The following TICRR variants were observed in gnomAD, a reference collection of about 807,000 sequenced individuals.
TICRR encodes the protein TOPBP1 interacting checkpoint and replication regulator, also known as treslin.
Under a neutral mutation model 178.1 loss-of-function variants are expected in TICRR, and 132 were observed. The observed-to-expected ratio is 0.74, with a 90% confidence interval of 0.64 to 0.86. The LOEUF (loss-of-function observed/expected upper bound fraction) is 0.86, where lower values mean the gene tolerates loss of function less well. Among genes scored for constraint, TICRR ranks in the 40% least tolerant of loss-of-function variants. The probability of loss-of-function intolerance (pLI) is 0.00; values close to 1 mark genes in which losing one functional copy is unlikely to be tolerated. For missense variants in TICRR, 2,587 were observed against 2,334.3 expected, an observed-to-expected ratio of 1.11 and a Z score of -2.23; for synonymous variants, 991 against 900.7, an observed-to-expected ratio of 1.10 and a Z score of -1.79.
chr15:89,623,997 A>C lies in TICRR; in HGVS notation c.3687A>C (p.Pro1229=), dbSNP rs1438339906. ...AAAGCCCCTCCTGTCCAGCCCCTCC[A>C]ACTTCATCGACTGCCCAGCCCAGGA... The part of the protein sequence containing the change: ...SPESPSCPAP[P]TSSTAQPRRE... Residue 1229 remains proline (P), a synonymous_variant, in exon 20 of 22, where the codon CCA becomes CCC. Coordinates refer to ENST00000268138, the MANE Select transcript of TICRR (RefSeq NM_152259.4). The C allele has an allele frequency of 1.2e-6, 2 of 1,613,858 alleles. No individual in the cohort carries two copies. Among genetic ancestry groups the C allele is most frequent in the Admixed American group, 3.3e-5 (2 of 60,012 alleles).
At chr15:89,578,593 A>T (rs1962666070) in intron 1 of TICRR, among the ~76,000 whole-genome samples, 1 of 152,134 alleles carries the variant, frequency 6.6e-6, no homozygotes, top group Non-Finnish European at 1.5e-5. Flanking sequence ...GAAATAAGTT[A>T]GATGGGGCTT....
intron 19 of TICRR, among the ~76,000 whole-genome samples, chr15:89,621,786 C>T (rs1306873948): frequency 1.3e-5 from 2 of 152,134 alleles, no homozygotes; most frequent in East Asian, 3.9e-4. Context: ...AGGATCTCAT[C>T]TGTTCTCTTG....
chr15:89,582,949 A>G lies in TICRR; in HGVS notation c.918A>G (p.Leu306=), dbSNP rs139493471. The part of the protein sequence containing the change: ...EASFPRMEGM[L]FLPVEAGKEI... ...CGTTTCCACGAATGGAAGGAATGTT[A>G]TTTCTCCCTGTTGAAGGTAAGCAAA... The change falls in exon 2 of 22, where the codon TTA becomes TTG. Residue 306 remains leucine, a synonymous_variant. Coordinates refer to ENST00000268138, the MANE Select transcript of TICRR (RefSeq NM_152259.4). 140 of 1,610,466 alleles carry G rather than the reference A, an allele frequency of 8.7e-5. No individual in the cohort carries two copies. The Middle Eastern group carries it at 9.9e-4, about 11-fold the overall frequency.
chr15:89,575,597 G>A lies in TICRR; in HGVS notation c.11G>A (p.Cys4Tyr), dbSNP rs1962594878. The change falls in exon 1 of 22, where the codon TGT becomes TAT. Residue 4 changes from cysteine (C) to tyrosine (Y), a missense_variant. Cys to Tyr is a radical substitution (Grantham distance 194). Coordinates refer to ENST00000268138, the MANE Select transcript of TICRR (RefSeq NM_152259.4). MAC[C>Y]HKVMLLLDTA... ...GGCGGCACGGCCGATATGGCATGCT[G>A]TCACAAAGTAATGCTGCTGCTGGAC... The A allele has an allele frequency of 1.3e-6, 2 of 1,504,964 alleles. No homozygotes were observed. Among genetic ancestry groups the A allele is most frequent in the Non-Finnish European group, 1.8e-6 (2 of 1,133,306 alleles). The allele number at this position is 1,504,964 out of a possible 1,614,324, so 93.2% of individuals were successfully genotyped here.
At chr15:89,613,734 C>CTTTT (rs34162195) in intron 15 of TICRR, among the ~76,000 whole-genome samples, 3 of 61,570 alleles carry the variant, frequency 4.9e-5, no homozygotes, top group African/African-American at 1.5e-4. Context: ...TTTCTATTCG[C>CTTTT]TTTTTTTTTT....
chr15:89,613,868 G>A (rs971098173), intron 15 of TICRR, among the ~76,000 whole-genome samples: 2 of 148,322 alleles, frequency 1.3e-5, no homozygotes, highest in Non-Finnish European at 3.0e-5. Flanking sequence ...TTAAAGTCTT[G>A]TTCTAGCCGG....
chr15:89,627,179 C>T lies in TICRR; in HGVS notation c.*93C>T, dbSNP rs1310603110. On this transcript the variant is annotated 3_prime_UTR_variant, in exon 22 of 22. Coordinates refer to ENST00000268138, the MANE Select transcript of TICRR (RefSeq NM_152259.4). Reference sequence around the variant, plus strand: ...ATGCCTGGTCCCAAGCCTCTTTTGCCATGGTCAGTGTTCAGATTGCCATTA... The same window carrying T: ...ATGCCTGGTCCCAAGCCTCTTTTGCTATGGTCAGTGTTCAGATTGCCATTA... 4 of 1,507,322 alleles carry T rather than the reference C, an allele frequency of 2.7e-6. No individual in the cohort carries two copies. Among genetic ancestry groups the T allele is most frequent in the South Asian group, 1.2e-5 (1 of 85,666 alleles). The allele number at this position is 1,507,322 out of a possible 1,614,324, so 93.4% of individuals were successfully genotyped here.
chr15:89,582,949 A>T lies in TICRR; in HGVS notation c.918A>T (p.Leu306Phe). ...CGTTTCCACGAATGGAAGGAATGTT[A>T]TTTCTCCCTGTTGAAGGTAAGCAAA... ...EASFPRMEGM[L>F]FLPVEAGKEI... Residue 306 changes from leucine (L) to phenylalanine (F), a missense_variant, in exon 2 of 22, where the codon TTA becomes TTT. Transcript: ENST00000268138. 6.2e-7 allele frequency: 1 copy of T among 1,610,466 alleles called. No individual in the cohort carries two copies.
chr15:89,583,164 C>T (rs1246275663), intron 2 of TICRR, among the ~76,000 whole-genome samples, 199 bp downstream of exon 2: 3 of 151,868 alleles, frequency 2.0e-5, no homozygotes, highest in Non-Finnish European at 1.5e-5. Context: ...GTACAACTGC[C>T]AGCCTTTGTA....
Position 89,625,981 on chromosome 15 carries a change from C to T in TICRR, c.5522C>T (p.Ala1841Val). 6.2e-7 allele frequency: 1 copy of T among 1,605,376 alleles called. No homozygotes were observed. The highest frequency in any genetic ancestry group is 8.5e-7 in the Non-Finnish European group (1 of 1,176,276). Reference sequence around the variant, plus strand: ...TGTGCCGTGCGGAGCTGCCTCTCTGCCAGTGCCCTCCAGGCTCTGACCCAG... The same window carrying T: ...TGTGCCGTGCGGAGCTGCCTCTCTGTCAGTGCCCTCCAGGCTCTGACCCAG... Reference protein sequence around the residue: ...PSCAVRSCLSASALQALTQSP... With the variant: ...PSCAVRSCLSVSALQALTQSP... The change falls in exon 21 of 22, where the codon GCC becomes GTC. Residue 1841 changes from alanine to valine, a missense_variant. Transcript: ENST00000268138.
intron 5 of TICRR, among the ~76,000 whole-genome samples, chr15:89,594,152 T>C (rs1567043029): frequency 6.6e-6 from 1 of 152,240 alleles, no homozygotes; most frequent in African/African-American, 2.4e-5. Context: ...TCCTAATTCA[T>C]GAAGAATCCT....
At position 89,576,160 on chromosome 15, in the gene TICRR, T is replaced by G. The variant is rs1163560949; in HGVS notation, c.574T>G (p.Leu192Val). Residue 192 changes from leucine (L) to valine (V), a missense_variant, in exon 1 of 22, where the codon TTG becomes GTG. Leu to Val is a conservative substitution (Grantham distance 32). Transcript: ENST00000268138. ...PPTPKQVMEK[L>V]LPKRVREVMV... The stretch of plus-strand genomic sequence containing the variant: ...CACCCCTAAGCAGGTGATGGAGAAG[T>G]TGTTGCCCAAGAGAGTCCGGGAAGT... 1.9e-6 allele frequency: 3 copies of G among 1,605,242 alleles called. No individual in the cohort carries two copies. Among genetic ancestry groups the G allele is most frequent in the Non-Finnish European group, 2.5e-6 (3 of 1,179,922 alleles).
In TICRR at chr15:89,602,058, C is replaced by T. The variant is rs1963107974; in HGVS notation, c.2567+82C>T. The T allele has an allele frequency of 1.6e-5, 24 of 1,528,276 alleles. No individual in the cohort carries two copies. In the South Asian group the frequency reaches 2.7e-4, roughly 17 times the overall value. The allele number at this position is 1,528,276 out of a possible 1,614,324, so 94.7% of individuals were successfully genotyped here. ...TGTGTTTAAACTACAGTCCAGTCAT[C>T]TTTGTCCATATAATTTGTTGAACTA... On this transcript the variant is annotated intron_variant, in intron 12 of 21. Transcript: ENST00000268138.
chr15:89,606,683 GT>G (rs1236029287), intron 13 of TICRR, 84 bp from the exon 14 acceptor site: 8 of 1,081,784 alleles, frequency 7.4e-6, no homozygotes, highest in Non-Finnish European at 1.1e-5. Context: ...AATTACAAGA[GT>G]CAAAGAGTTC....
Position 89,627,315 on chromosome 15 carries a change from A to ATAAC in TICRR, c.*231_*234dup. ...GGTGGATGGCAATGTGATTGGTGCTATAACTCAGGCAGCCTGGGAGTCAGG... is the reference window on the plus strand; with the variant it reads ...GGTGGATGGCAATGTGATTGGTGCTATAACTAACTCAGGCAGCCTGGGAGTCAGG... On this transcript the variant is annotated 3_prime_UTR_variant, in exon 22 of 22. Transcript: ENST00000268138. 1.9e-6 allele frequency: 1 copy of ATAAC among 522,424 alleles called. No homozygotes were observed. The highest frequency in any genetic ancestry group is 3.1e-5 in the South Asian group (1 of 31,928). 32.4% of individuals were successfully genotyped at this position (522,424 alleles called of 1,614,324 possible).
Position 89,608,945 on chromosome 15 carries a change from C to G in TICRR, c.2865C>G (p.Asn955Lys), listed in dbSNP as rs1304039289. ...ATAAACTTGACAACTTCAAGAAGAA[C>G]AAAGGTACCACATTTCAGAATAGCT... is the stretch of plus-strand genomic sequence containing the variant. ...LEDKLDNFKK[N>K]KGYHKLLTKS... Residue 955 changes from asparagine to lysine, a missense_variant, in exon 15 of 22, where the codon AAC becomes AAG. Asn to Lys is a moderately conservative substitution (Grantham distance 94, BLOSUM62 0). Transcript: ENST00000268138. The G allele has an allele frequency of 7.5e-6, 12 of 1,592,040 alleles. No homozygotes were observed. The highest frequency in any genetic ancestry group is 1.0e-5 in the Non-Finnish European group (12 of 1,173,338).
intron 5 of TICRR, among the ~76,000 whole-genome samples, chr15:89,592,479 C>G (rs1049639140): frequency 6.6e-6 from 1 of 151,898 alleles, no homozygotes; most frequent in Non-Finnish European, 1.5e-5. Context: ...AGTATCAATG[C>G]AAATAGAAAA....
chr15:89,610,988 T>C (rs1031665661), intron 15 of TICRR, among the ~76,000 whole-genome samples: 1 of 152,178 alleles, frequency 6.6e-6, no homozygotes, highest in Admixed American at 6.5e-5. Flanking sequence ...CTTCTTTATA[T>C]TGTTGTAGAC....
rs1460224116 is a variant in TICRR at position 89,600,664 on chromosome 15, A to T, written c.2132A>T (p.Asp711Val). ...CGACAGAATCTAGGAAAAAAACTGG[A>T]TAAGGAAGACAAAGTTAGAGAGTAA... ...SLRQNLGKKL[D>V]KEDKVRECQL... The change falls in exon 9 of 22, where the codon GAT becomes GTT. Residue 711 changes from aspartate (D) to valine (V), a missense_variant. By Grantham distance (152) the Asp-to-Val change is radical. Transcript: ENST00000268138. The T allele has an allele frequency of 1.3e-6, 2 of 1,576,822 alleles. No individual in the cohort carries two copies. Among genetic ancestry groups the T allele is most frequent in the Non-Finnish European group, 1.7e-6 (2 of 1,153,994 alleles).
Sources: gnomAD v4.1 joint callset for allele counts (sites outside exome capture counted in the v4.1 genomes callset) on GRCh38, gnomAD v4.1.1 for gene constraint, MANE v1.5 for transcripts, NCBI Gene and HGNC (gene_info 2026-07-23, HGNC 2026-07-21) for gene names.